ACAP2: variants seen among roughly 807,000 people sequenced by gnomAD.
The protein encoded by ACAP2 is ArfGAP with coiled-coil, ankyrin repeat and PH domains 2, also known as arf-GAP with coiled-coil, ANK repeat and PH domain-containing protein 2.
ACAP2 carries 39 observed loss-of-function variants against 115.8 expected under a neutral mutation model. That is an observed-to-expected ratio of 0.34 (90% CI 0.26 to 0.44). The LOEUF (loss-of-function observed/expected upper bound fraction) is 0.44, where lower values mean the gene tolerates loss of function less well. ACAP2 is among the 20% of genes least tolerant of loss of function. The pLI is 1.00. For synonymous variants in ACAP2, 289 were observed against 315.8 expected (o/e 0.92, Z 0.90); for missense variants, 662 against 927.6 (o/e 0.71, Z 3.72).
intron 4 of ACAP2, among the ~76,000 whole-genome samples, chr3:195,361,392 T>C (rs1263122348): frequency 1.3e-5 from 2 of 150,426 alleles, no homozygotes; most frequent in Non-Finnish European, 2.9e-5. Context: ...GCAGAGATTG[T>C]GCCACTGCAA....
At chr3:195,328,356 G>GT (rs981216561) in intron 8 of ACAP2, among the ~76,000 whole-genome samples, 4 of 151,828 alleles carry the variant, frequency 2.6e-5, no homozygotes, top group African/African-American at 9.7e-5. Flanking sequence ...CACAAATGAT[G>GT]TTTTTTCTAC....
intron 1 of ACAP2, among the ~76,000 whole-genome samples, chr3:195,411,875 T>C (rs1713288551): frequency 6.7e-6 from 1 of 150,060 alleles, no homozygotes; most frequent in Non-Finnish European, 1.5e-5. Flanking sequence ...CAAGACCCTG[T>C]CTCTATTTAG....
chr3:195,357,779 G>A (rs1732079085), intron 4 of ACAP2: 2 of 152,326 alleles, frequency 1.3e-5, no homozygotes, highest in Admixed American at 1.3e-4. Flanking sequence ...CCTGAGACTG[G>A]GTAATCTAGA....
Position 195,383,922 on chromosome 3 carries a change from AT to A in ACAP2, c.112-1901del, listed in dbSNP as rs766510744. Among the ~76,000 whole-genome samples the A allele has an allele frequency of 1.1e-4, 17 of 151,522 alleles. 1 individual carries two copies. In the South Asian group the frequency reaches 1.3e-3, roughly 11 times the overall value. ...TATAATAAAAGAAATGGAAATTACT[AT>A]TTTTTTTTCTTTTACTAACAGCAAA... is the stretch of plus-strand genomic sequence containing the variant. On this transcript the variant is annotated intron_variant, in intron 2 of 22. Coordinates refer to ENST00000326793, the MANE Select transcript of ACAP2 (RefSeq NM_012287.6).
chr3:195,425,391 A>G (rs1170550050), intron 1 of ACAP2, among the ~76,000 whole-genome samples: 1 of 152,208 alleles, frequency 6.6e-6, no homozygotes, highest in Non-Finnish European at 1.5e-5. Context: ...AAATTATAGT[A>G]TGTTATGTGA....
At chr3:195,300,044 C>CTTTTTTTTTTTTTTTTTT (rs765234326) in intron 15 of ACAP2, among the ~76,000 whole-genome samples, 49 of 34,308 alleles carry the variant, frequency 1.4e-3, no homozygotes, top group East Asian at 2.4e-3. Context: ...CTTTTTTTTT[C>CTTTTTTTTTTTTTTTTTT]TTTTTTTTTT....
chr3:195,306,424 C>T (rs1160021870), intron 13 of ACAP2, 87 bp downstream of exon 13: 15 of 640,816 alleles, frequency 2.3e-5, no homozygotes, highest in Admixed American at 8.9e-5. Flanking sequence ...CCATAACAAA[C>T]GATGCTACAT....
Position 195,289,043 on chromosome 3 carries a change from A to T in ACAP2, c.2174+78T>A. 14 of 1,134,656 alleles carry T rather than the reference A, an allele frequency of 1.2e-5. 1 individual carries two copies. In the South Asian group the frequency reaches 1.8e-4, roughly 15 times the overall value. 70.3% of individuals were successfully genotyped at this position (1,134,656 alleles called of 1,614,324 possible). On this transcript the variant is annotated intron_variant, in intron 21 of 22. Coordinates refer to ENST00000326793, the MANE Select transcript of ACAP2 (RefSeq NM_012287.6). ...GATGTTGGTATCCACAGGGTCCTGG[A>T]ACTAATTCACTGTGGATAACCGAGG...
At chr3:195,424,212 T>A (rs1577460517) in intron 1 of ACAP2, among the ~76,000 whole-genome samples, 1 of 145,576 alleles carries the variant, frequency 6.9e-6, no homozygotes, top group East Asian at 2.0e-4. Flanking sequence ...ATAAAATACT[T>A]AGAATGGTCA....
At chr3:195,295,327 C>T (rs1727570293) in intron 17 of ACAP2, 3 of 1,260,342 alleles carry the variant, frequency 2.4e-6, no homozygotes, top group Non-Finnish European at 3.1e-6. Flanking sequence ...TAGCAAAGCA[C>T]AAAGCAGGCC....
intron 4 of ACAP2, among the ~76,000 whole-genome samples, chr3:195,366,401 A>C (rs1468283552): frequency 6.6e-6 from 1 of 152,190 alleles, no homozygotes; most frequent in Non-Finnish European, 1.5e-5. Flanking sequence ...AACTTGGGCA[A>C]CTTTTAAATA....
At chr3:195,410,637 T>C (rs1713176689) in intron 1 of ACAP2, 1 of 152,396 alleles carries the variant, frequency 6.6e-6, no homozygotes, top group East Asian at 1.9e-4. Context: ...GACTGGCCAA[T>C]CAGCACATGA....
At chr3:195,355,641 A>G (rs1004536297) in intron 4 of ACAP2, among the ~76,000 whole-genome samples, 1 of 152,228 alleles carries the variant, frequency 6.6e-6, no homozygotes, top group African/African-American at 2.4e-5. Context: ...AGCTCACACT[A>G]AAGTTATTCC....
At chr3:195,362,264 C>T (rs576982036) in intron 4 of ACAP2, among the ~76,000 whole-genome samples, 2 of 148,768 alleles carry the variant, frequency 1.3e-5, no homozygotes, top group South Asian at 2.1e-4. Context: ...TGCAGTGAGC[C>T]GAGATTGCGC....
At chr3:195,373,557 G>A (rs1176502128) in intron 4 of ACAP2, among the ~76,000 whole-genome samples, 1 of 152,140 alleles carries the variant, frequency 6.6e-6, no homozygotes, top group Non-Finnish European at 1.5e-5. Context: ...ACTAGTTATT[G>A]ACTTTAAAAA....
chr3:195,276,831 C>T lies in ACAP2; in HGVS notation c.*2497G>A, dbSNP rs1726203226. ...CTTGCTGTTTACTCCATCATTTCTGCCAAATGTAGTCCAAATTGGGTCTCA... is the reference window on the plus strand; with the variant it reads ...CTTGCTGTTTACTCCATCATTTCTGTCAAATGTAGTCCAAATTGGGTCTCA... On this transcript the variant is annotated 3_prime_UTR_variant, in exon 23 of 23. Coordinates refer to ENST00000326793, the MANE Select transcript of ACAP2 (RefSeq NM_012287.6). The T allele has an allele frequency of 6.6e-6, 1 of 152,144 alleles. No homozygotes were observed. The highest frequency in any genetic ancestry group is 2.1e-4 in the South Asian group (1 of 4,830). 9.4% of individuals were successfully genotyped at this position (152,144 alleles called of 1,614,324 possible). A position where few individuals can be genotyped will look rare whatever the true frequency, so the allele number is the denominator to read the frequency against.
chr3:195,386,939 C>T (rs980768018), intron 2 of ACAP2, among the ~76,000 whole-genome samples: 3 of 152,058 alleles, frequency 2.0e-5, no homozygotes, highest in African/African-American at 7.2e-5. Flanking sequence ...ATCAGCATTC[C>T]AGATTTCAAA....
At position 195,314,196 on chromosome 3, in the gene ACAP2, G is replaced by GT. The variant is rs751897649; in HGVS notation, c.858-5360dup. Among the ~76,000 whole-genome samples, 196 of 112,190 alleles carry GT rather than the reference G, an allele frequency of 1.7e-3. 1 individual carries two copies. Among genetic ancestry groups the GT allele is most frequent in the African/African-American group, 6.2e-3 (176 of 28,234 alleles). The allele number at this position is 112,190 out of a possible 152,430, so 73.6% of individuals were successfully genotyped here. A position where few individuals can be genotyped will look rare whatever the true frequency, so the allele number is the denominator to read the frequency against. On this transcript the variant is annotated intron_variant, in intron 10 of 22. Coordinates refer to ENST00000326793, the MANE Select transcript of ACAP2 (RefSeq NM_012287.6). ...ACATTTCCCTGAGGAAGAAAATTTTGTTGTTTTTTTTTTTTTTAATTTTTG... is the reference window on the plus strand; with the variant it reads ...ACATTTCCCTGAGGAAGAAAATTTTGTTTGTTTTTTTTTTTTTTAATTTTTG...
chr3:195,275,653 A>G lies in ACAP2; in HGVS notation c.*3675T>C, dbSNP rs977980109. 2.0e-5 allele frequency: 3 copies of G among 152,172 alleles called. No homozygotes were observed. Among genetic ancestry groups the G allele is most frequent in the Non-Finnish European group, 2.9e-5 (2 of 68,028 alleles). 9.4% of individuals were successfully genotyped at this position (152,172 alleles called of 1,614,324 possible). On this transcript the variant is annotated 3_prime_UTR_variant, in exon 23 of 23. Transcript: ENST00000326793. ...CAGTCAGACCTGGGTAATGGTGCCA[A>G]TTCTGCCACCAGCTAGCAAATCAAG...
Sources: allele counts gnomAD v4.1 joint callset (sites outside exome capture counted in the v4.1 genomes callset), GRCh38; gene constraint gnomAD v4.1.1; transcripts MANE v1.5; gene names NCBI Gene and HGNC (gene_info 2026-07-23, HGNC 2026-07-21).